VAC14: variants seen among roughly 807,000 people sequenced by gnomAD.
VAC14 encodes VAC14 component of PIKFYVE complex.
A neutral mutation model predicts 85.3 loss-of-function variants in VAC14; 47 were observed. That is an observed-to-expected ratio of 0.55 (90% confidence interval 0.44 to 0.70). VAC14 has a LOEUF of 0.70. VAC14 is among the 30% of genes least tolerant of loss of function. VAC14 has a pLI of 0.00. For synonymous variants in VAC14, 447 were observed against 430.5 expected, an observed-to-expected ratio of 1.04 and a Z score of -0.47; for missense variants, 861 against 1,004.3, an observed-to-expected ratio of 0.86 and a Z score of 1.93.
chr16:70,687,953 T>C lies in VAC14; in HGVS notation c.2324A>G (p.His775Arg). The C allele has an allele frequency of 6.3e-7, 1 of 1,577,644 alleles. No individual in the cohort carries two copies. Among genetic ancestry groups the C allele is most frequent in the African/African-American group, 1.4e-5 (1 of 73,616 alleles). The change falls in exon 19 of 19, where the codon CAC becomes CGC. Residue 775 changes from histidine to arginine, a missense_variant. Around this residue, in one of 3 missense-constraint regions of VAC14, gnomAD observed 163 missense variants for 162.2 expected, o/e 1.00. Transcript: ENST00000261776. ...VRHQRSGRGD[H>R]LDRRVVL The stretch of plus-strand genomic sequence containing the variant: ...TCAGAGGACAACCCTCCGGTCCAGG[T>C]GGTCCCCACGCCCGCTCCGCTGGTG...
intron 12 of VAC14, chr16:70,745,008 A>G (rs932711327): frequency 3.7e-5 from 6 of 162,488 alleles, no homozygotes; most frequent in African/African-American, 1.2e-4. Context: ...TGTGTGCGGT[A>G]GCCACGGCCC....
intron 13 of VAC14, among the ~76,000 whole-genome samples, chr16:70,734,010 G>C (rs1432790556): frequency 6.6e-6 from 1 of 152,048 alleles, no homozygotes; most frequent in Non-Finnish European, 1.5e-5. Flanking sequence ...TTTTAGTAGA[G>C]GTGGGGTTTC....
chr16:70,776,421 TA>T (rs1469696814), intron 9 of VAC14, among the ~76,000 whole-genome samples: 1 of 152,212 alleles, frequency 6.6e-6, no homozygotes, highest in Non-Finnish European at 1.5e-5. Flanking sequence ...ATTTGTTACA[TA>T]AAGGATTAAT....
At chr16:70,712,387 G>C (rs1597869919) in intron 14 of VAC14, among the ~76,000 whole-genome samples, 1 of 152,276 alleles carries the variant, frequency 6.6e-6, no homozygotes, top group East Asian at 1.9e-4. Context: ...TCTGAGCAAA[G>C]ACACGAGGTA....
intron 1 of VAC14, 154 bp from the exon 2 acceptor site, chr16:70,786,519 G>A: frequency 1.0e-6 from 1 of 954,948 alleles, no homozygotes; most frequent in Non-Finnish European, 1.5e-6. Context: ...GTTGCTGGCT[G>A]AGTCATCGTT....
intron 1 of VAC14, among the ~76,000 whole-genome samples, chr16:70,787,778 C>T (rs2034137054): frequency 6.6e-6 from 1 of 152,120 alleles, no homozygotes; most frequent in African/African-American, 2.4e-5. Flanking sequence ...AGTAGCCAAC[C>T]TTGTCTGGGG....
intron 13 of VAC14, among the ~76,000 whole-genome samples, 162 bp from the exon 14 acceptor site, chr16:70,731,789 G>C (rs926997260): frequency 6.6e-6 from 1 of 151,926 alleles, no homozygotes; most frequent in African/African-American, 2.4e-5. Flanking sequence ...TGGAGCAACA[G>C]AGAAAAAGGC....
intron 8 of VAC14, 62 bp from the exon 9 acceptor site, chr16:70,781,001 C>T: frequency 6.3e-7 from 1 of 1,597,942 alleles, no homozygotes; most frequent in Non-Finnish European, 8.5e-7. Flanking sequence ...AAATCTCTTG[C>T]TGAAATGTGA....
intron 14 of VAC14, among the ~76,000 whole-genome samples, chr16:70,727,153 C>T (rs2054452462): frequency 6.6e-6 from 1 of 152,200 alleles, no homozygotes; most frequent in Admixed American, 6.5e-5. Flanking sequence ...CAGCTTTTCA[C>T]TTGCTGGCCA....
intron 12 of VAC14, among the ~76,000 whole-genome samples, chr16:70,751,914 A>G (rs1220440844): frequency 6.6e-6 from 1 of 152,250 alleles, no homozygotes; most frequent in Non-Finnish European, 1.5e-5. Context: ...GCACGGGGTC[A>G]CAGCAGCCCT....
At chr16:70,788,336 C>T (rs994640954) in intron 1 of VAC14, among the ~76,000 whole-genome samples, 2 of 152,220 alleles carry the variant, frequency 1.3e-5, no homozygotes, top group African/African-American at 4.8e-5. Flanking sequence ...AGGCACTGTT[C>T]ACGCAAGAGG....
chr16:70,741,972 G>A (rs910799893), intron 13 of VAC14, among the ~76,000 whole-genome samples: 1 of 152,158 alleles, frequency 6.6e-6, no homozygotes, highest in African/African-American at 2.4e-5. Context: ...CATGGCACAC[G>A]TCCTACTCCC....
chr16:70,704,582 C>T (rs939428300), intron 14 of VAC14, among the ~76,000 whole-genome samples: 1 of 152,226 alleles, frequency 6.6e-6, no homozygotes, highest in African/African-American at 2.4e-5. Flanking sequence ...AGTGGCCTCT[C>T]CCCACCTGGT....
At chr16:70,771,445 G>A (rs2033215071) in intron 10 of VAC14, 1 of 152,134 alleles carries the variant, frequency 6.6e-6, no homozygotes, top group South Asian at 2.1e-4. Flanking sequence ...AACAGACAGC[G>A]ATGAGTCAAG....
In VAC14 at chr16:70,744,507, G is replaced by C; in HGVS notation, c.1444C>G (p.Pro482Ala). The C allele has an allele frequency of 1.2e-6, 2 of 1,613,586 alleles. No individual in the cohort carries two copies. The highest frequency in any genetic ancestry group is 1.7e-6 in the Non-Finnish European group (2 of 1,179,928). ...SPAGQTDDPG[P>A]LDGPDLQASH... ...GCCTGGAGGTCAGGGCCATCGAGGG[G>C]GCCTGGGTCATCCGTCTGGCCTGCG... is the stretch of plus-strand genomic sequence containing the variant. The change falls in exon 13 of 19, where the codon CCC (proline) becomes GCC (alanine). Residue 482 changes from proline to alanine, a missense_variant. By Grantham distance (27) the Pro-to-Ala change is conservative. Around this residue, in one of 3 missense-constraint regions of VAC14, gnomAD observed 629 missense variants for 703.1 expected, o/e 0.89. Transcript: ENST00000261776.
intron 1 of VAC14, among the ~76,000 whole-genome samples, chr16:70,790,083 C>T (rs1407625400): frequency 2.6e-5 from 4 of 152,020 alleles, no homozygotes; most frequent in African/African-American, 9.7e-5. Flanking sequence ...TCTCTGCCAG[C>T]GTGGGAAGAG....
At chr16:70,740,236 T>C (rs917383489) in intron 13 of VAC14, among the ~76,000 whole-genome samples, 6 of 152,196 alleles carry the variant, frequency 3.9e-5, no homozygotes, top group African/African-American at 1.4e-4. Context: ...GCTGGGACTA[T>C]AGGAGTGAGC....
intron 12 of VAC14, among the ~76,000 whole-genome samples, chr16:70,755,652 G>A (rs534653839): frequency 6.6e-6 from 1 of 152,288 alleles, no homozygotes; most frequent in South Asian, 2.1e-4. Flanking sequence ...CTTCAGCTGG[G>A]GCCCTCTCCT....
At chr16:70,761,024 G>GTGTGTGTGTGTGTGTGTGTGTGTGT (rs1567577775) in intron 12 of VAC14, 1 of 197,510 alleles carries the variant, frequency 5.1e-6, no homozygotes, top group Non-Finnish European at 9.5e-6. Flanking sequence ...TGTGTGCATG[G>GTGTGTGTGTGTGTGTGTGTGTGTGT]GGGGGCGGGG....
Sources: gnomAD v4.1 joint callset for allele counts (sites outside exome capture counted in the v4.1 genomes callset) on GRCh38, gnomAD v4.1.1 for gene constraint, gnomAD v4.1.1 regional missense constraint, MANE v1.5 for transcripts, NCBI Gene and HGNC (gene_info 2026-07-23, HGNC 2026-07-21) for gene names.